The following DHX57 variants were observed in gnomAD, a reference collection of about 807,000 sequenced individuals.
DHX57 encodes DExH-box helicase 57.
DHX57 carries 105 observed loss-of-function variants against 156.2 expected under a neutral mutation model. The observed-to-expected ratio is 0.67, with a 90% confidence interval of 0.57 to 0.79. DHX57 has a LOEUF of 0.79. DHX57 is among the 30% of genes least tolerant of loss of function. The pLI, the probability that DHX57 is intolerant of heterozygous loss-of-function variation, is 0.00. For synonymous variants in DHX57, 704 were observed against 595.6 expected (o/e 1.18, Z -2.65); for missense variants, 1,847 against 1,661.9 (o/e 1.11, Z -1.94).
At chr2:38,798,526 C>A in intron 23 of DHX57, 84 bp from the exon 24 acceptor site, 1 of 1,427,588 alleles carries the variant, frequency 7.0e-7, no homozygotes, top group Non-Finnish European at 9.3e-7. Flanking sequence ...GTTATGATTA[C>A]CATTATTTAG....
At chr2:38,821,428 G>C (rs1197360291) in intron 17 of DHX57, among the ~76,000 whole-genome samples, 2 of 152,164 alleles carry the variant, frequency 1.3e-5, no homozygotes, top group African/African-American at 4.8e-5. Context: ...AGGCATGGTG[G>C]CTCACACCTG....
chr2:38,866,696 G>C (rs1304831904), intron 2 of DHX57, among the ~76,000 whole-genome samples: 1 of 152,148 alleles, frequency 6.6e-6, no homozygotes, highest in Admixed American at 6.5e-5. Context: ...CCAAATGAAT[G>C]AACATCTACG....
chr2:38,833,769 A>G (rs557039497), intron 13 of DHX57, among the ~76,000 whole-genome samples: 1 of 152,316 alleles, frequency 6.6e-6, no homozygotes, highest in Admixed American at 6.5e-5. Context: ...CAATGAATAT[A>G]TTGGAAAATT....
At chr2:38,868,532 A>G in intron 1 of DHX57, 121 bp from the exon 2 acceptor site, 1 of 1,034,246 alleles carries the variant, frequency 9.7e-7, no homozygotes, top group Non-Finnish European at 1.4e-6. Context: ...ATATGTAAAA[A>G]GAGCTGGTCT....
At chr2:38,811,745 C>T (rs1212466503) in intron 21 of DHX57, 2 of 548,246 alleles carry the variant, frequency 3.6e-6, no homozygotes, top group African/African-American at 3.8e-5. Flanking sequence ...CAAAGGCAGG[C>T]AACAGAGCAG....
chr2:38,828,196 C>T, intron 14 of DHX57, 144 bp downstream of exon 14: 1 of 521,148 alleles, frequency 1.9e-6, no homozygotes, highest in Non-Finnish European at 3.2e-6. Context: ...TGATTTCCTG[C>T]AGCAAATAGG....
chr2:38,856,339 C>G lies in DHX57; in HGVS notation c.1709+1G>C. Reference sequence around the variant, plus strand: ...TACAGATGAATAAACTGCATTCTTACCCAGTCATACCACTTATGACAACCA... The same window carrying G: ...TACAGATGAATAAACTGCATTCTTAGCCAGTCATACCACTTATGACAACCA... On this transcript the variant is annotated splice_donor_variant, in intron 7 of 23. Transcript: ENST00000457308. LOFTEE classifies it high-confidence loss of function. The G allele has an allele frequency of 1.9e-6, 3 of 1,606,628 alleles. No individual in the cohort carries two copies. Among genetic ancestry groups the G allele is most frequent in the Non-Finnish European group, 2.5e-6 (3 of 1,178,046 alleles).
chr2:38,804,905 T>C (rs1285797455), intron 22 of DHX57, among the ~76,000 whole-genome samples: 3 of 152,188 alleles, frequency 2.0e-5, no homozygotes, highest in African/African-American at 7.2e-5. Flanking sequence ...TATCCTGCTC[T>C]ATTTTGCTTT....
At chr2:38,807,801 C>T (rs867295170) in intron 21 of DHX57, among the ~76,000 whole-genome samples, 2 of 151,804 alleles carry the variant, frequency 1.3e-5, no homozygotes, top group South Asian at 2.1e-4. Context: ...GCATGAGCAC[C>T]ACGCCTGGCT....
chr2:38,850,961 C>T (rs761889168), intron 9 of DHX57, among the ~76,000 whole-genome samples: 24 of 152,042 alleles, frequency 1.6e-4, no homozygotes, highest in South Asian at 6.2e-4. Context: ...CCTGTAGTTG[C>T]GGCTACTTGG....
At chr2:38,864,019 A>C (rs545076188) in intron 2 of DHX57, among the ~76,000 whole-genome samples, 1 of 152,112 alleles carries the variant, frequency 6.6e-6, no homozygotes, top group East Asian at 1.9e-4. Flanking sequence ...TTAAAAAAAA[A>C]AAAAACAACA....
chr2:38,811,707 CT>C, intron 21 of DHX57: 1 of 778,564 alleles, frequency 1.3e-6, no homozygotes, highest in African/African-American at 1.7e-5. Context: ...GTCTTCATGG[CT>C]CAGTGAACCA....
rs548874346 is a variant in DHX57, at chr2:38,863,690, A to G, written c.225-171T>C. Among the ~76,000 whole-genome samples the G allele has an allele frequency of 1.5e-3, 225 of 152,304 alleles. 1 individual carries two copies. The highest frequency in any genetic ancestry group is 1.6e-4 in the Non-Finnish European group (11 of 68,018). ...TTTTCTATAGTATTTACCAGACTTC[A>G]TTATATCAGACCTGCTGGAAAAAAA... On this transcript the variant is annotated intron_variant, in intron 2 of 23. Transcript: ENST00000457308.
chr2:38,806,662 G>C lies in DHX57; in HGVS notation c.3713C>G (p.Thr1238Ser). 6.2e-7 allele frequency: 1 copy of C among 1,613,956 alleles called. No individual in the cohort carries two copies. Among genetic ancestry groups the C allele is most frequent in the Non-Finnish European group, 8.5e-7 (1 of 1,179,978 alleles). ...TTGCATTCTGACAGCTCCAGTACTG[G>C]TCTTCTGAAATTTTCCTTCTGGGCT... ...VKSPEGKFQK[T>S]STGAVRMQPK... The change falls in exon 22 of 24, where the codon ACC (threonine) becomes AGC (serine). Residue 1238 changes from threonine (T) to serine (S), a missense_variant. Physicochemically the swap from Thr to Ser is moderately conservative, Grantham distance 58 (BLOSUM62 1). Coordinates refer to ENST00000457308, the MANE Select transcript of DHX57 (RefSeq NM_198963.3).
intron 14 of DHX57, among the ~76,000 whole-genome samples, chr2:38,827,791 C>T (rs945754135): frequency 9.9e-5 from 15 of 151,946 alleles, no homozygotes; most frequent in Admixed American, 2.6e-4. Context: ...TTTCCCCCAC[C>T]TTCCCCCACT....
chr2:38,854,980 A>T, intron 8 of DHX57, 77 bp downstream of exon 8: 1 of 1,506,564 alleles, frequency 6.6e-7, no homozygotes, highest in East Asian at 2.3e-5. Context: ...TTGCCCATGA[A>T]TCTCCTAACC....
chr2:38,842,802 A>C (rs1295481334), intron 12 of DHX57, among the ~76,000 whole-genome samples: 1 of 152,186 alleles, frequency 6.6e-6, no homozygotes, highest in Non-Finnish European at 1.5e-5. Context: ...TATAATTAGA[A>C]AAAAAACCCA....
At chr2:38,802,950 T>C (rs1669764829) in intron 22 of DHX57, 35 bp from the exon 23 acceptor site, 1 of 1,611,664 alleles carries the variant, frequency 6.2e-7, no homozygotes, top group Admixed American at 1.7e-5. Context: ...GACAGTGATG[T>C]CACTGGCAAC....
intron 21 of DHX57, among the ~76,000 whole-genome samples, chr2:38,813,618 C>T (rs945667354): frequency 7.9e-5 from 12 of 152,034 alleles, no homozygotes; most frequent in African/African-American, 1.2e-4. Context: ...GTGATCCGCC[C>T]GCCTCGGCCT....
Sources: gnomAD v4.1 joint callset for allele counts (sites outside exome capture counted in the v4.1 genomes callset) on GRCh38, gnomAD v4.1.1 for gene constraint, MANE v1.5 for transcripts, NCBI Gene and HGNC (gene_info 2026-07-23, HGNC 2026-07-21) for gene names.